The following USP35 variants were observed in gnomAD, a reference collection of about 807,000 sequenced individuals.
USP35 encodes the protein ubiquitin carboxyl-terminal hydrolase 35.
USP35 carries 69 observed loss-of-function variants against 83.8 expected under a neutral mutation model. The observed-to-expected ratio is 0.82, with a 90% CI of 0.68 to 1.01. USP35 has a LOEUF of 1.01. USP35 is among the 50% of genes least tolerant of loss of function. The pLI, the probability that USP35 is intolerant of heterozygous loss-of-function variation, is 0.00. For synonymous variants in USP35, 714 were observed against 589.5 expected (o/e 1.21, Z -3.06); for missense variants, 1,503 against 1,362.5 (o/e 1.10, Z -1.62).
intron 7 of USP35, 127 bp downstream of exon 7, chr11:78,206,162 T>G: frequency 2.5e-6 from 3 of 1,219,550 alleles, no homozygotes; most frequent in Non-Finnish European, 3.5e-6. Flanking sequence ...GCCAGCATGA[T>G]TCCCTGAGGT....
chr11:78,220,344 G>A, the USP35 span: 23 of 1,612,688 alleles, frequency 1.4e-5, no homozygotes, highest in African/African-American at 9.4e-5. Flanking sequence ...TGGGGAGCTC[G>A]GCTGGAAGTC....
chr11:78,209,479 A>G lies in USP35; in HGVS notation c.1624A>G (p.Ile542Val), dbSNP rs779247605. 2 of 1,611,670 alleles carry G rather than the reference A, an allele frequency of 1.2e-6. No homozygotes were observed. The highest frequency in any genetic ancestry group is 1.1e-5 in the South Asian group (1 of 90,860). ...CGAAGAGGAGAAAACGGGCACAAGGATCTGCCAGAAACTCAAGCAGTCCAG... is the reference window on the plus strand; with the variant it reads ...CGAAGAGGAGAAAACGGGCACAAGGGTCTGCCAGAAACTCAAGCAGTCCAG... ...LHEEEKTGTR[I>V]CQKLKQSSSP... The change falls in exon 10 of 11, where the codon ATC (isoleucine) becomes GTC (valine). Residue 542 changes from isoleucine (I) to valine (V), a missense_variant. Coordinates refer to ENST00000529308, the MANE Select transcript of USP35 (RefSeq NM_020798.4).
chr11:78,207,285 CA>C (rs1440119424), intron 7 of USP35: 1 of 444,114 alleles, frequency 2.3e-6, no homozygotes, highest in Non-Finnish European at 4.1e-6. Flanking sequence ...GAAGGGGCTA[CA>C]AGGGTCACCT....
At chr11:78,225,061 T>C in the USP35 span, 4 of 1,220,810 alleles carry the variant, frequency 3.3e-6, no homozygotes, top group African/African-American at 6.0e-5. Flanking sequence ...TGTGACCTTT[T>C]ACCTAACCAG....
At chr11:78,220,117 G>C (rs1174658616), downstream of USP35, among the ~76,000 whole-genome samples, 1 of 152,210 alleles carries the variant, frequency 6.6e-6, no homozygotes, top group Non-Finnish European at 1.5e-5. Flanking sequence ...CTGACTGAGG[G>C]TACTGTGCTC....
rs983399335 is a variant in USP35, at chr11:78,196,782, C to A, written c.537C>A (p.Ala179=). The A allele has an allele frequency of 1.3e-6, 2 of 1,533,788 alleles. No homozygotes were observed. Among genetic ancestry groups the A allele is most frequent in the Non-Finnish European group, 1.7e-6 (2 of 1,145,780 alleles). The stretch of plus-strand genomic sequence containing the variant: ...GCCTCGGCCGCTTCCGCTGCCCAGC[C>A]GAAGGCGAGGAGGGCGCCGTGGAGT... ...VRCLGRFRCP[A]EGEEGAVEFL... is the part of the protein sequence containing the mutation. The change falls in exon 2 of 11, where the codon GCC becomes GCA. Residue 179 remains alanine, a synonymous_variant. Transcript: ENST00000529308. This position sits in a 1 kb window ranked among gnomAD's most constrained non-coding sequence, Gnocchi z 4.8.
rs935778169 is a variant in USP35, at chr11:78,215,101, A to G, written c.*1288A>G. Among the ~76,000 whole-genome samples, 1 of 152,222 alleles carries G rather than the reference A, an allele frequency of 6.6e-6. No individual in the cohort carries two copies. The highest frequency in any genetic ancestry group is 2.4e-5 in the African/African-American group (1 of 41,460). ...GCCCAGAACCCATCTCTAGACGCCT[A>G]AGAAAGCTGGATGGGTAAATGCTAG... is the stretch of plus-strand genomic sequence containing the variant. On this transcript the variant is annotated 3_prime_UTR_variant, in exon 11 of 11. Transcript: ENST00000529308.
In USP35 at chr11:78,213,938, G is replaced by A; in HGVS notation, c.*125G>A. On this transcript the variant is annotated 3_prime_UTR_variant, in exon 11 of 11. Transcript: ENST00000529308. ...CTCATGGCACCTTAGTCCTCAGCCT[G>A]ATGAAGGGTACACAGAGATTCTCTC... The A allele has an allele frequency of 9.3e-7, 1 of 1,077,456 alleles. No individual in the cohort carries two copies. The allele number at this position is 1,077,456 out of a possible 1,614,324, so 66.7% of individuals were successfully genotyped here. A position where few individuals can be genotyped will look rare whatever the true frequency, so the allele number is the denominator to read the frequency against.
Position 78,214,640 on chromosome 11 carries a change from C to CCTTCTAA in USP35, c.*836_*842dup, listed in dbSNP as rs143376383. ...AAGTGCCCTGACACTGCTGTAGCCCCCTTCTAACTTCTAACCGAAGACAAG... is the reference window on the plus strand; with the variant it reads ...AAGTGCCCTGACACTGCTGTAGCCCCCTTCTAACTTCTAACTTCTAACCGAAGACAAG... On this transcript the variant is annotated 3_prime_UTR_variant, in exon 11 of 11. Transcript: ENST00000529308. The CCTTCTAA allele has an allele frequency of 6.6e-6, 1 of 152,100 alleles. No individual in the cohort carries two copies. Among genetic ancestry groups the CCTTCTAA allele is most frequent in the Non-Finnish European group, 1.5e-5 (1 of 68,046 alleles). The allele number at this position is 152,100 out of a possible 1,614,324, so 9.4% of individuals were successfully genotyped here.
At position 78,200,669 on chromosome 11, in the gene USP35, C is replaced by A. The variant is rs73507220; in HGVS notation, c.1058C>A (p.Pro353His). Residue 353 changes from proline (P) to histidine (H), a missense_variant, in exon 6 of 11, where the codon CCC (proline) becomes CAC (histidine). Coordinates refer to ENST00000529308, the MANE Select transcript of USP35 (RefSeq NM_020798.4). ...AFHLLLPHIP[P>H]MVASLVKEDS... ...CCACAGCTCCTCCCTCACATCCCCC[C>A]CATGGTGGCCTCTCTGGTCAAGGAG... 3.7e-6 allele frequency: 6 copies of A among 1,612,368 alleles called. No homozygotes were observed. The highest frequency in any genetic ancestry group is 2.2e-5 in the South Asian group (2 of 90,914).
At chr11:78,226,620 G>GGGGGGCC in the USP35 span, 2 of 1,500,554 alleles carry the variant, frequency 1.3e-6, no homozygotes, top group Non-Finnish European at 1.9e-6. Flanking sequence ...GCGGGGTGGG[G>GGGGGGCC]GAGCTATGGC....
At chr11:78,229,719 C>A in the USP35 span, among the ~76,000 whole-genome samples, 1 of 152,232 alleles carries the variant, frequency 6.6e-6, no homozygotes, top group African/African-American at 2.4e-5. Context: ...ACTCATCTCA[C>A]CAATCTTTTC....
At chr11:78,206,455 A>G (rs1863533109) in intron 7 of USP35, among the ~76,000 whole-genome samples, 1 of 152,190 alleles carries the variant, frequency 6.6e-6, no homozygotes, top group Non-Finnish European at 1.5e-5. Flanking sequence ...TAAAAGATCA[A>G]AGTTTCAGCT....
the USP35 span, among the ~76,000 whole-genome samples, chr11:78,220,740 T>C: frequency 6.6e-6 from 1 of 152,228 alleles, no homozygotes. Flanking sequence ...GTCTGTTTTC[T>C]GACTTCCAAA....
At chr11:78,201,993 G>C (rs1863373401) in intron 6 of USP35, among the ~76,000 whole-genome samples, 1 of 152,174 alleles carries the variant, frequency 6.6e-6, no homozygotes, top group East Asian at 1.9e-4. Context: ...AGAAATGCTT[G>C]TTAAAATATA....
chr11:78,225,252 G>T, the USP35 span: 4 of 1,218,008 alleles, frequency 3.3e-6, no homozygotes, highest in Admixed American at 3.4e-5. Flanking sequence ...TTCATGTGTT[G>T]ACACTTACCC....
the USP35 span, among the ~76,000 whole-genome samples, chr11:78,221,935 A>T: frequency 6.6e-6 from 1 of 152,214 alleles, no homozygotes; most frequent in Non-Finnish European, 1.5e-5. Flanking sequence ...AGGTATAATT[A>T]TTCTCTTTTA....
the USP35 span, among the ~76,000 whole-genome samples, chr11:78,232,355 T>C: frequency 6.6e-6 from 1 of 152,200 alleles, no homozygotes; most frequent in South Asian, 2.1e-4. Context: ...CAATGTATCA[T>C]CTGTTACAGG....
In USP35 at chr11:78,213,958, T is replaced by G. The variant is rs528943857; in HGVS notation, c.*145T>G. ...AGCCTGATGAAGGGTACACAGAGAT[T>G]CTCTCAGATATGGAAGTAAGACCTA... On this transcript the variant is annotated 3_prime_UTR_variant, in exon 11 of 11. Coordinates refer to ENST00000529308, the MANE Select transcript of USP35 (RefSeq NM_020798.4). 2 of 883,520 alleles carry G rather than the reference T, an allele frequency of 2.3e-6. No individual in the cohort carries two copies. The highest frequency in any genetic ancestry group is 3.2e-6 in the Non-Finnish European group (2 of 627,438). The allele number at this position is 883,520 out of a possible 1,614,324, so 54.7% of individuals were successfully genotyped here.
Sources: allele counts gnomAD v4.1 joint callset (sites outside exome capture counted in the v4.1 genomes callset), GRCh38; gene constraint gnomAD v4.1.1; non-coding constraint Gnocchi (gnomAD v3.1); transcripts MANE v1.5; gene names NCBI Gene and HGNC (gene_info 2026-07-23, HGNC 2026-07-21).